KIFC3: variants seen among roughly 807,000 people sequenced by gnomAD.
The protein encoded by KIFC3 is kinesin family member C3.
KIFC3 carries 60 observed loss-of-function variants against 101.8 expected under a neutral mutation model. That is an observed-to-expected ratio of 0.59 (90% CI 0.48 to 0.73). The LOEUF (loss-of-function observed/expected upper bound fraction) is 0.73, where lower values mean the gene tolerates loss of function less well. Among genes scored for constraint, KIFC3 ranks in the 30% least tolerant of loss-of-function variants. The pLI is 0.00. For synonymous variants in KIFC3, 476 were observed against 482.7 expected (o/e 0.99, Z 0.18); for missense variants, 966 against 1,137.1 (o/e 0.85, Z 2.16).
chr16:57,827,256 G>A (rs561776146), intron 1 of KIFC3, among the ~76,000 whole-genome samples: 40 of 152,360 alleles, frequency 2.6e-4, no homozygotes, highest in African/African-American at 8.2e-4. Context: ...TCAGTGACTT[G>A]GCAGCCAGTA....
At chr16:57,862,807 C>A in exon 1 of KIFC3, 1 of 1,289,556 alleles carries the variant, frequency 7.8e-7, no homozygotes, top group African/African-American at 1.5e-5. Context: ...TCAGAGTGTT[C>A]TTCCTGAAAA....
intron 3 of KIFC3, among the ~76,000 whole-genome samples, 172 bp downstream of exon 3, chr16:57,794,827 C>A (rs1266973870): frequency 6.6e-6 from 1 of 152,162 alleles, no homozygotes; most frequent in African/African-American, 2.4e-5. Flanking sequence ...TCCCGTCTGA[C>A]TTAATAAAGC....
At position 57,758,882 on chromosome 16, in the gene KIFC3, C is replaced by G. The variant is rs573171001; in HGVS notation, c.*52G>C. 6.3e-7 allele frequency: 1 copy of G among 1,597,984 alleles called. No individual in the cohort carries two copies. Among genetic ancestry groups the G allele is most frequent in the South Asian group, 1.1e-5 (1 of 89,294 alleles). Reference sequence around the variant, plus strand: ...GCTTCAGGCCCAGCGGGGTCACATCCGTCACACAGGCAGTGGCCGCGACTT... The same window carrying G: ...GCTTCAGGCCCAGCGGGGTCACATCGGTCACACAGGCAGTGGCCGCGACTT... On this transcript the variant is annotated 3_prime_UTR_variant, in exon 20 of 20. Transcript: ENST00000445690.
rs781808909 is a variant in KIFC3, at chr16:57,761,213, G to A, written c.1873-42C>T. The stretch of plus-strand genomic sequence containing the variant: ...AGGGCAGAGGCACAGCGTTGAGAAT[G>A]GGGTCCTCAGAGTCACCTGGCCCCA... On this transcript the variant is annotated intron_variant, in intron 14 of 19. Transcript: ENST00000445690. 15 of 1,607,894 alleles carry A rather than the reference G, an allele frequency of 9.3e-6. No homozygotes were observed. The Admixed American group carries it at 1.3e-4, about 14-fold the overall frequency.
At chr16:57,762,060 T>C (rs2049927158) in intron 13 of KIFC3, 80 bp downstream of exon 13, 5 of 1,478,206 alleles carry the variant, frequency 3.4e-6, no homozygotes, top group Non-Finnish European at 3.6e-6. Flanking sequence ...GGGTCCCACC[T>C]GAGGACCTCG....
chr16:57,795,217 G>C (rs1249360327), intron 2 of KIFC3, 76 bp from the exon 3 acceptor site: 1 of 1,521,392 alleles, frequency 6.6e-7, no homozygotes, highest in Non-Finnish European at 8.9e-7. Flanking sequence ...CACTGGCCAG[G>C]GCCGCAGCTG....
intron 1 of KIFC3, among the ~76,000 whole-genome samples, chr16:57,842,006 T>C (rs1363062695): frequency 1.3e-5 from 2 of 151,768 alleles, no homozygotes; most frequent in African/African-American, 4.8e-5. Context: ...CCACCGGCCA[T>C]CTCCTGCCTT....
intron 1 of KIFC3, chr16:57,816,719 C>T: frequency 2.2e-6 from 1 of 456,682 alleles, no homozygotes; most frequent in Non-Finnish European, 4.4e-6. Flanking sequence ...CTCAACAGAA[C>T]TCTCCCCTCA....
rs2148815467 is a variant in KIFC3 at position 57,759,155 on chromosome 16, T to G, written c.2477-2A>C. On this transcript the variant is annotated splice_acceptor_variant, in intron 18 of 19. Coordinates refer to ENST00000445690, the MANE Select transcript of KIFC3 (RefSeq NM_001130100.2). LOFTEE classifies it high-confidence loss of function. ...GACTCTGCAGCCCCAGCCGTCAGGC[T>G]GAAATCAAAGTGACAGGCGTCTCAC... The G allele has an allele frequency of 6.4e-7, 1 of 1,550,936 alleles. No homozygotes were observed. The highest frequency in any genetic ancestry group is 2.4e-5 in the East Asian group (1 of 40,920).
At chr16:57,789,964 T>G (rs1366642438) in intron 3 of KIFC3, among the ~76,000 whole-genome samples, 1 of 152,052 alleles carries the variant, frequency 6.6e-6, no homozygotes, top group Non-Finnish European at 1.5e-5. Flanking sequence ...CTCGAACTCC[T>G]GACTTCAAGT....
At chr16:57,764,905 AG>A (rs1455106245) in intron 11 of KIFC3, among the ~76,000 whole-genome samples, 3 of 6,892 alleles carry the variant, frequency 4.4e-4, no homozygotes, top group African/African-American at 1.8e-3. Context: ...GAGGGGCCTG[AG>A]GGTGGGTGGG....
At chr16:57,783,752 T>C (rs2149101533) in intron 3 of KIFC3, among the ~76,000 whole-genome samples, 1 of 152,192 alleles carries the variant, frequency 6.6e-6, no homozygotes, top group Non-Finnish European at 1.5e-5. Context: ...GGATTACAGG[T>C]GTGAGCTACC....
intron 1 of KIFC3, among the ~76,000 whole-genome samples, chr16:57,821,274 G>A (rs1310698686): frequency 3.3e-5 from 5 of 152,168 alleles, no homozygotes; most frequent in Admixed American, 6.5e-5. Context: ...TTGGGAGAGC[G>A]AAGAGGGGTG....
chr16:57,840,274 G>A (rs2055776888), intron 1 of KIFC3, among the ~76,000 whole-genome samples: 1 of 152,062 alleles, frequency 6.6e-6, no homozygotes, highest in African/African-American at 2.4e-5. Context: ...GGAGGTGGAG[G>A]TTGCAGTGAG....
chr16:57,816,090 A>G, intron 1 of KIFC3: 4 of 756,166 alleles, frequency 5.3e-6, no homozygotes, highest in South Asian at 1.8e-5. Flanking sequence ...CACAGGAAGG[A>G]TGTGGTCAAA....
intron 1 of KIFC3, among the ~76,000 whole-genome samples, chr16:57,856,018 T>C (rs2056158519): frequency 6.9e-6 from 1 of 145,640 alleles, no homozygotes; most frequent in Non-Finnish European, 1.5e-5. Flanking sequence ...AGAGCAGAAA[T>C]TAATAAATGG....
At chr16:57,762,671 G>A (rs2050005331) in intron 12 of KIFC3, among the ~76,000 whole-genome samples, 1 of 152,086 alleles carries the variant, frequency 6.6e-6, no homozygotes. Context: ...GGGCTCTGTG[G>A]GTGGTAGAGA....
rs201200845 is a variant in KIFC3, at chr16:57,769,563, C to T, written c.1218+32G>A. 1 of 1,594,368 alleles carries T rather than the reference C, an allele frequency of 6.3e-7. No individual in the cohort carries two copies. The highest frequency in any genetic ancestry group is 1.7e-5 in the Admixed American group (1 of 59,420). The stretch of plus-strand genomic sequence containing the variant: ...TGCCTCTCCCAGTGCACCCCCTTAG[C>T]CTGGACCCTCCCACCCACTGCCCTC... On this transcript the variant is annotated intron_variant, in intron 9 of 19. Transcript: ENST00000445690. This position sits in a 1 kb window ranked among gnomAD's most constrained non-coding sequence, Gnocchi z 4.3.
At chr16:57,855,431 G>C (rs755863451) in intron 1 of KIFC3, among the ~76,000 whole-genome samples, 11 of 151,892 alleles carry the variant, frequency 7.2e-5, no homozygotes, top group Non-Finnish European at 1.5e-4. Flanking sequence ...AGCCAAAAAG[G>C]TGAAAGTTTG....
Sources: allele counts gnomAD v4.1 joint callset (sites outside exome capture counted in the v4.1 genomes callset), GRCh38; gene constraint gnomAD v4.1.1; non-coding constraint Gnocchi (gnomAD v3.1); transcripts MANE v1.5; gene names NCBI Gene and HGNC (gene_info 2026-07-23, HGNC 2026-07-21).